The following SNX9 variants were observed in gnomAD, a reference collection of about 807,000 sequenced individuals.
SNX9 encodes the protein sorting nexin 9.
In SNX9, 44 loss-of-function variants were observed where a neutral mutation model predicts 89.4. The ratio of observed to expected loss-of-function variants is 0.49; its 90% CI spans 0.39 to 0.63. SNX9 has a LOEUF of 0.63. Ranked by LOEUF, SNX9 falls within the 30% of genes least tolerant of loss-of-function variation. The pLI, the probability that SNX9 is intolerant of heterozygous loss-of-function variation, is 0.00. For missense variants in SNX9, 578 were observed against 736.1 expected, an observed-to-expected ratio of 0.79 and a Z score of 2.49; for synonymous variants, 236 against 247.8, an observed-to-expected ratio of 0.95 and a Z score of 0.45.
intron 1 of SNX9, among the ~76,000 whole-genome samples, chr6:157,824,175 A>G (rs1781297419): frequency 6.6e-6 from 1 of 152,214 alleles, no homozygotes; most frequent in African/African-American, 2.4e-5. Flanking sequence ...GTCATTGGCT[A>G]GGAGCGGTGG....
chr6:157,909,790 T>C lies in SNX9; in HGVS notation c.831T>C (p.Thr277=). The part of the protein sequence containing the change: ...KSYIEYQLTP[T]NTNRSVNHRY... ...ACATCGAATATCAGCTAACACCTACTGTAAGTATCCACGTTATCAAAAGCA... is the reference window on the plus strand; with the variant it reads ...ACATCGAATATCAGCTAACACCTACCGTAAGTATCCACGTTATCAAAAGCA... Residue 277 remains threonine, a splice_region_variant and synonymous_variant, in exon 8 of 18, where the codon ACT becomes ACC. Transcript: ENST00000392185. The C allele has an allele frequency of 6.2e-7, 1 of 1,614,002 alleles. No homozygotes were observed. The highest frequency in any genetic ancestry group is 8.5e-7 in the Non-Finnish European group (1 of 1,179,990).
chr6:157,870,603 C>CA (rs1424717268), intron 2 of SNX9, among the ~76,000 whole-genome samples: 2 of 150,070 alleles, frequency 1.3e-5, no homozygotes, highest in East Asian at 4.0e-4. Context: ...ACACACCCCT[C>CA]AGACACTCTC....
chr6:157,826,252 A>G (rs1583184487), intron 1 of SNX9, among the ~76,000 whole-genome samples: 1 of 152,264 alleles, frequency 6.6e-6, no homozygotes. Context: ...TAATCCTAGC[A>G]CTTTGGGAGG....
At chr6:157,865,535 G>T (rs1202670632) in intron 1 of SNX9, among the ~76,000 whole-genome samples, 2 of 152,138 alleles carry the variant, frequency 1.3e-5, no homozygotes, top group Admixed American at 1.3e-4. Flanking sequence ...GTGGGGAGCT[G>T]CTGGGATGTC....
At chr6:157,929,652 A>G (rs969688840) in intron 12 of SNX9, among the ~76,000 whole-genome samples, 1 of 152,188 alleles carries the variant, frequency 6.6e-6, no homozygotes, top group Non-Finnish European at 1.5e-5. Context: ...ACATATACCT[A>G]CTTTTCTATC....
chr6:157,829,418 C>A (rs933405552), intron 1 of SNX9: 29 of 152,186 alleles, frequency 1.9e-4, no homozygotes, highest in African/African-American at 7.0e-4. Context: ...TTATTCCCAG[C>A]ATACAGTCAG....
chr6:157,855,132 G>A (rs770024006), intron 1 of SNX9, among the ~76,000 whole-genome samples: 18 of 151,962 alleles, frequency 1.2e-4, no homozygotes, highest in African/African-American at 3.6e-4. Flanking sequence ...GTACTGCATC[G>A]CTGGGCCCTC....
chr6:157,940,717 C>T (rs112405189), intron 16 of SNX9, among the ~76,000 whole-genome samples, 166 bp from the exon 17 acceptor site: 27 of 152,318 alleles, frequency 1.8e-4, no homozygotes, highest in African/African-American at 6.3e-4. Context: ...GCGCCCAGCT[C>T]AACTTGTTTT....
chr6:157,937,483 G>T lies in SNX9; in HGVS notation c.1493G>T (p.Gly498Val). 1 of 1,613,966 alleles carries T rather than the reference G, an allele frequency of 6.2e-7. No individual in the cohort carries two copies. Among genetic ancestry groups the T allele is most frequent in the Non-Finnish European group, 8.5e-7 (1 of 1,179,944 alleles). Reference protein sequence around the residue: ...FLMECNHEYKGFLGCFPDIIG... With the variant: ...FLMECNHEYKVFLGCFPDIIG... ...ATGGAATGTAATCACGAGTATAAAG[G>T]TTTTCTTGGCTGCTTCCCTGACATC... Residue 498 changes from glycine (G) to valine (V), a missense_variant, in exon 15 of 18, where the codon GGT (glycine) becomes GTT (valine). Transcript: ENST00000392185.
intron 4 of SNX9, among the ~76,000 whole-genome samples, chr6:157,880,217 C>T (rs942365306): frequency 1.3e-5 from 2 of 152,206 alleles, no homozygotes; most frequent in African/African-American, 4.8e-5. Context: ...AGACCTGCCT[C>T]CTGAACCTCC....
intron 12 of SNX9, among the ~76,000 whole-genome samples, chr6:157,929,335 G>C (rs1193659759): frequency 6.6e-6 from 1 of 152,220 alleles, no homozygotes; most frequent in East Asian, 1.9e-4. Flanking sequence ...GTATCCAGCT[G>C]TAGGGCTAAT....
chr6:157,907,375 G>A (rs1000643976), intron 7 of SNX9, among the ~76,000 whole-genome samples: 13 of 152,008 alleles, frequency 8.6e-5, no homozygotes, highest in Non-Finnish European at 1.3e-4. Flanking sequence ...TCTGCCTCCC[G>A]GGTTCAAGCA....
intron 1 of SNX9, chr6:157,830,075 T>C (rs1241205694): frequency 6.6e-6 from 1 of 152,222 alleles, no homozygotes; most frequent in African/African-American, 2.4e-5. Context: ...TATGATCAAT[T>C]ATTGCCCAGT....
chr6:157,901,877 A>C (rs1783104900), intron 5 of SNX9, 21 bp from the exon 6 acceptor site: 2 of 1,557,876 alleles, frequency 1.3e-6, no homozygotes, highest in Admixed American at 2.1e-5. Context: ...TTAACTGATG[A>C]TCTTCCATTT....
intron 7 of SNX9, among the ~76,000 whole-genome samples, chr6:157,908,195 C>A (rs1783258553): frequency 6.6e-6 from 1 of 152,164 alleles, no homozygotes; most frequent in Non-Finnish European, 1.5e-5. Flanking sequence ...TCCTTCAGCG[C>A]AATCTGTGTG....
intron 4 of SNX9, among the ~76,000 whole-genome samples, chr6:157,876,004 G>A (rs952220563): frequency 2.6e-5 from 4 of 151,728 alleles, no homozygotes; most frequent in Non-Finnish European, 5.9e-5. Flanking sequence ...TAAAAAAAAA[G>A]AATTAAAATA....
intron 13 of SNX9, 143 bp downstream of exon 13, chr6:157,932,415 G>C: frequency 3.0e-6 from 2 of 676,042 alleles, no homozygotes; most frequent in Non-Finnish European, 5.2e-6. Context: ...GCCGCACTAA[G>C]GACTTTTGCA....
intron 4 of SNX9, among the ~76,000 whole-genome samples, chr6:157,876,276 A>G (rs528619643): frequency 3.4e-4 from 52 of 152,266 alleles, no homozygotes; most frequent in Non-Finnish European, 4.4e-4. Context: ...ACATGGTGAA[A>G]CCCCATCTCT....
intron 11 of SNX9, among the ~76,000 whole-genome samples, chr6:157,927,930 A>AACACAC (rs71689763): frequency 0.05 from 7,421 of 148,964 alleles, 229 homozygotes; most frequent in South Asian, 0.1. Flanking sequence ...ATAGACAAGT[A>AACACAC]ACACACACAC....
Sources: gnomAD v4.1 joint callset for allele counts (sites outside exome capture counted in the v4.1 genomes callset) on GRCh38, gnomAD v4.1.1 for gene constraint, MANE v1.5 for transcripts, NCBI Gene and HGNC (gene_info 2026-07-23, HGNC 2026-07-21) for gene names.